The following ELK4 variants were observed in gnomAD, a reference collection of about 807,000 sequenced individuals.
ELK4 encodes ETS domain-containing protein Elk-4.
A neutral mutation model predicts 29.6 loss-of-function variants in ELK4; 16 were observed. The ratio of observed to expected loss-of-function variants is 0.54; its 90% CI spans 0.37 to 0.82. The LOEUF is 0.82. Ranked by LOEUF, ELK4 falls within the 40% of genes least tolerant of loss-of-function variation. The pLI is 0.00. For missense variants in ELK4, 465 were observed against 507.1 expected (o/e 0.92, Z 0.80); for synonymous variants, 213 against 191.1 (o/e 1.11, Z -0.95).
Position 205,609,299 on chromosome 1 carries a change from CA to C in ELK4, c.*7246del. Reference sequence around the variant, plus strand: ...ATAATTTTAAGAAACTAATTTTAATCAAAAATTTTTACTTGCCTCAAACTAA... The same window carrying C: ...ATAATTTTAAGAAACTAATTTTAATCAAAATTTTTACTTGCCTCAAACTAA... On this transcript the variant is annotated 3_prime_UTR_variant, in exon 5 of 5. Transcript: ENST00000357992. The C allele has an allele frequency of 5.3e-6, 1 of 188,410 alleles. No homozygotes were observed. The highest frequency in any genetic ancestry group is 1.1e-5 in the Non-Finnish European group (1 of 89,440). 11.7% of individuals were successfully genotyped at this position (188,410 alleles called of 1,614,324 possible).
Position 205,620,686 on chromosome 1 carries a change from C to T in ELK4, c.360G>A (p.Val120=). 1 of 1,614,094 alleles carries T rather than the reference C, an allele frequency of 6.2e-7. No homozygotes were observed. Among genetic ancestry groups the T allele is most frequent in the South Asian group, 1.1e-5 (1 of 91,078 alleles). The change falls in exon 3 of 5, where the codon GTG becomes GTA. Residue 120 remains valine (V), a synonymous_variant. Coordinates refer to ENST00000357992, the MANE Select transcript of ELK4 (RefSeq NM_001973.4). ...FSEVSSSSKD[V]ENGGKDKPPQ... is the part of the protein sequence containing the mutation. ...GTGGTTTATCTTTCCCTCCATTCTC[C>T]ACATCTTTGGAACTGCTGCTGACTT...
At position 205,612,539 on chromosome 1, in the gene ELK4, A is replaced by G. The variant is rs888550749; in HGVS notation, c.*4007T>C. On this transcript the variant is annotated 3_prime_UTR_variant, in exon 5 of 5. Transcript: ENST00000357992. The stretch of plus-strand genomic sequence containing the variant: ...TTTTTATGTTCAATAACTCTTACTG[A>G]TCAATTTGTGTGTTCAAAAAGGCTG... The G allele has an allele frequency of 4.7e-6, 1 of 213,714 alleles. No homozygotes were observed. The highest frequency in any genetic ancestry group is 9.5e-6 in the Non-Finnish European group (1 of 105,734). The allele number at this position is 213,714 out of a possible 1,614,324, so 13.2% of individuals were successfully genotyped here. A position where few individuals can be genotyped will look rare whatever the true frequency, so the allele number is the denominator to read the frequency against.
chr1:205,611,928 C>T lies in ELK4; in HGVS notation c.*4618G>A, dbSNP rs576596964. 5.4e-6 allele frequency: 1 copy of T among 185,954 alleles called. No individual in the cohort carries two copies. The highest frequency in any genetic ancestry group is 2.3e-5 in the African/African-American group (1 of 42,678). 11.5% of individuals were successfully genotyped at this position (185,954 alleles called of 1,614,324 possible). A position where few individuals can be genotyped will look rare whatever the true frequency, so the allele number is the denominator to read the frequency against. ...TGCTGAAATATCAGATTTTAAAAAT[C>T]AAAAACTTATTAATGCAGCAAGAAA... On this transcript the variant is annotated 3_prime_UTR_variant, in exon 5 of 5. Transcript: ENST00000357992.
chr1:205,614,606 A>G lies in ELK4; in HGVS notation c.*1940T>C. The G allele has an allele frequency of 4.4e-6, 1 of 228,332 alleles. No individual in the cohort carries two copies. Among genetic ancestry groups the G allele is most frequent in the East Asian group, 6.3e-5 (1 of 15,876 alleles). The allele number at this position is 228,332 out of a possible 1,614,324, so 14.1% of individuals were successfully genotyped here. A position where few individuals can be genotyped will look rare whatever the true frequency, so the allele number is the denominator to read the frequency against. ...CAGTAACAAGTCTCCGACACTACAG[A>G]TATAAAGGCAGCTCACTGAATATGT... On this transcript the variant is annotated 3_prime_UTR_variant, in exon 5 of 5. Transcript: ENST00000357992.
In ELK4 at chr1:205,620,233, T is replaced by C. The variant is rs1006101948; in HGVS notation, c.813A>G (p.Pro271=). ...LQEPPRTPSP[P]LSSHPDIDTD... is the part of the protein sequence containing the mutation. ...TGTCGATGTCTGGGTGAGAACTCAG[T>C]GGTGGTGAAGGTGTTCTGGGAGGTT... Residue 271 remains proline, a synonymous_variant, in exon 3 of 5, where the codon CCA becomes CCG. Coordinates refer to ENST00000357992, the MANE Select transcript of ELK4 (RefSeq NM_001973.4). 5.0e-6 allele frequency: 8 copies of C among 1,613,928 alleles called. No homozygotes were observed. The Admixed American group carries it at 6.7e-5, about 13-fold the overall frequency.
chr1:205,618,296 G>A (rs1670270273), intron 4 of ELK4, among the ~76,000 whole-genome samples: 2 of 151,810 alleles, frequency 1.3e-5, no homozygotes, highest in African/African-American at 2.4e-5. Flanking sequence ...CTACCAAAGC[G>A]CTGGGATTAC....
At chr1:205,629,282 T>C (rs12024592) in intron 1 of ELK4, among the ~76,000 whole-genome samples, 18,327 of 152,180 alleles carry the variant, frequency 0.12, 1,336 homozygotes, top group East Asian at 0.34. Context: ...CTGGGTACTT[T>C]AAAGGAATAT....
At chr1:205,617,834 G>A (rs1670259465) in intron 4 of ELK4, among the ~76,000 whole-genome samples, 1 of 152,140 alleles carries the variant, frequency 6.6e-6, no homozygotes, top group Non-Finnish European at 1.5e-5. Context: ...CCAGGAGGCA[G>A]AGGTTGCAGT....
intron 1 of ELK4, among the ~76,000 whole-genome samples, chr1:205,627,815 A>T (rs1376699283): frequency 6.6e-6 from 1 of 152,196 alleles, no homozygotes; most frequent in Admixed American, 6.5e-5. Context: ...AAACACTCAA[A>T]ATGTCCTCCA....
chr1:205,625,393 T>C, intron 1 of ELK4: 1 of 490,862 alleles, frequency 2.0e-6, no homozygotes, highest in East Asian at 3.4e-5. Context: ...TGGCTGAATC[T>C]GCCTACTTGT....
At chr1:205,623,283 A>G (rs983334361) in intron 2 of ELK4, among the ~76,000 whole-genome samples, 1 of 151,676 alleles carries the variant, frequency 6.6e-6, no homozygotes, top group Non-Finnish European at 1.5e-5. Context: ...GGAAATTGGT[A>G]TCTATAACCT....
intron 2 of ELK4, among the ~76,000 whole-genome samples, chr1:205,622,982 AT>A (rs1367213213): frequency 6.6e-6 from 1 of 151,850 alleles, no homozygotes; most frequent in Non-Finnish European, 1.5e-5. Context: ...TACTAAAAAA[AT>A]AAACAAATAA....
At position 205,629,184 on chromosome 1, in the gene ELK4, A is replaced by AAAAAAAAG. The variant is rs1457924284; in HGVS notation, c.-10+2447_-10+2448insCTTTTTTT. Among the ~76,000 whole-genome samples, 433 of 151,362 alleles carry AAAAAAAAG rather than the reference A, an allele frequency of 2.9e-3. 9 individuals are homozygous for AAAAAAAAG. Among genetic ancestry groups the AAAAAAAAG allele is most frequent in the African/African-American group, 9.9e-3 (408 of 41,006 alleles). ...AGACTACGTCTCAAAAAAAAAAAAAAAAAAGAAAAGAAAAAAATGGCTTTG... is the reference window on the plus strand; with the variant it reads ...AGACTACGTCTCAAAAAAAAAAAAAAAAAAAAAGAAAAGAAAAGAAAAAAATGGCTTTG... On this transcript the variant is annotated intron_variant, in intron 1 of 4. Coordinates refer to ENST00000357992, the MANE Select transcript of ELK4 (RefSeq NM_001973.4).
intron 1 of ELK4, among the ~76,000 whole-genome samples, chr1:205,631,005 T>C (rs1670572115): frequency 6.6e-6 from 1 of 152,184 alleles, no homozygotes; most frequent in African/African-American, 2.4e-5. Flanking sequence ...ACTACTTCAG[T>C]CAACAACATC....
At chr1:205,624,115 A>C (rs1670406805) in intron 1 of ELK4, among the ~76,000 whole-genome samples, 1 of 152,222 alleles carries the variant, frequency 6.6e-6, no homozygotes. Flanking sequence ...CTAAGATCTA[A>C]GCCCAGGCAA....
rs1167879201 is a variant in ELK4, at chr1:205,623,587, T to C, written c.207+89A>G. The stretch of plus-strand genomic sequence containing the variant: ...TCCTTGGCCTCCCAAAGTGCTGGGA[T>C]TACAGGCGTGAGCCACTGTGCCCAG... On this transcript the variant is annotated intron_variant, in intron 2 of 4. Transcript: ENST00000357992. The C allele has an allele frequency of 2.7e-6, 4 of 1,460,336 alleles. No individual in the cohort carries two copies. In the African/African-American group the frequency reaches 5.6e-5, roughly 20 times the overall value. 90.5% of individuals were successfully genotyped at this position (1,460,336 alleles called of 1,614,324 possible).
In ELK4 at chr1:205,610,306, C is replaced by G; in HGVS notation, c.*6240G>C. ...AGAAGATCATTCAGCCCAAGACACT[C>G]CACTCTGAGGTTTTGGCTAATACTA... On this transcript the variant is annotated 3_prime_UTR_variant, in exon 5 of 5. Transcript: ENST00000357992. 1 of 231,564 alleles carries G rather than the reference C, an allele frequency of 4.3e-6. No individual in the cohort carries two copies. Among genetic ancestry groups the G allele is most frequent in the Non-Finnish European group, 8.5e-6 (1 of 116,992 alleles). The allele number at this position is 231,564 out of a possible 1,614,324, so 14.3% of individuals were successfully genotyped here.
At position 205,619,139 on chromosome 1, in the gene ELK4, A is replaced by G. The variant is rs1558020628; in HGVS notation, c.1081-66T>C. ...CAGGATGTTTTATCCTTGAAACAGC[A>G]CACAAATAACCCAAACCTAAATATT... On this transcript the variant is annotated intron_variant, in intron 3 of 4. Transcript: ENST00000357992. 5.2e-6 allele frequency: 7 copies of G among 1,347,634 alleles called. No individual in the cohort carries two copies. In the South Asian group the frequency reaches 6.5e-5, roughly 12 times the overall value. 83.5% of individuals were successfully genotyped at this position (1,347,634 alleles called of 1,614,324 possible).
At chr1:205,618,660 T>C (rs1670275466) in intron 4 of ELK4, among the ~76,000 whole-genome samples, 1 of 152,008 alleles carries the variant, frequency 6.6e-6, no homozygotes, top group Non-Finnish European at 1.5e-5. Flanking sequence ...CCTGTCTCAC[T>C]AAAAACACAA....
Sources: gnomAD v4.1 joint callset for allele counts (sites outside exome capture counted in the v4.1 genomes callset) on GRCh38, gnomAD v4.1.1 for gene constraint, MANE v1.5 for transcripts, NCBI Gene and HGNC (gene_info 2026-07-23, HGNC 2026-07-21) for gene names.